The following ARB2A variants were observed in gnomAD, a reference collection of about 807,000 sequenced individuals.
ARB2A encodes ARB2 cotranscriptional regulator A.
At chr5:93,779,507 A>T in the ARB2A span, among the ~76,000 whole-genome samples, 7 of 152,130 alleles carry the variant, frequency 4.6e-5, no homozygotes, top group South Asian at 6.2e-4. Context: ...TAAATTCAAA[A>T]CATGCTGGAC....
the ARB2A span, among the ~76,000 whole-genome samples, chr5:93,934,994 T>C: frequency 1.3e-5 from 2 of 152,148 alleles, no homozygotes; most frequent in South Asian, 4.2e-4. Context: ...CCAAACAACG[T>C]ATGTTCTCAC....
chr5:93,865,625 T>G, the ARB2A span: 9 of 985,416 alleles, frequency 9.1e-6, no homozygotes, highest in Non-Finnish European at 1.1e-5. Flanking sequence ...CATCTTTATT[T>G]AATCTGGCCA....
At chr5:93,937,778 TGTA>T in the ARB2A span, among the ~76,000 whole-genome samples, 1 of 152,146 alleles carries the variant, frequency 6.6e-6, no homozygotes, top group Non-Finnish European at 1.5e-5. Flanking sequence ...TATAAAATGG[TGTA>T]GTATTTGCTC....
the ARB2A span, among the ~76,000 whole-genome samples, chr5:93,854,617 A>G: frequency 6.6e-6 from 1 of 152,104 alleles, no homozygotes; most frequent in Non-Finnish European, 1.5e-5. Flanking sequence ...CCCTCTACAC[A>G]CTGCTTTGAA....
the ARB2A span, among the ~76,000 whole-genome samples, chr5:94,041,568 A>T: frequency 6.6e-6 from 1 of 152,206 alleles, no homozygotes; most frequent in Admixed American, 6.5e-5. Flanking sequence ...GAAAAGTAAA[A>T]AGTGTAATGC....
chr5:93,931,958 T>C, the ARB2A span, among the ~76,000 whole-genome samples: 8 of 152,226 alleles, frequency 5.3e-5, no homozygotes, highest in African/African-American at 1.9e-4. Flanking sequence ...TATAATTATA[T>C]GTTTGTTCAT....
the ARB2A span, among the ~76,000 whole-genome samples, chr5:93,752,117 T>C: frequency 6.6e-6 from 1 of 151,768 alleles, no homozygotes; most frequent in African/African-American, 2.4e-5. Context: ...TAAACAGACA[T>C]AGAGAGACCC....
At chr5:93,715,603 C>A in the ARB2A span, among the ~76,000 whole-genome samples, 1 of 151,000 alleles carries the variant, frequency 6.6e-6, no homozygotes, top group African/African-American at 2.4e-5. Context: ...CTAACACAAA[C>A]CAGTGGCACT....
the ARB2A span, among the ~76,000 whole-genome samples, chr5:93,967,251 T>C: frequency 6.6e-6 from 1 of 152,152 alleles, no homozygotes; most frequent in Non-Finnish European, 1.5e-5. Context: ...CTTAAGAGAC[T>C]ACGCAGGCTC....
At chr5:93,803,663 CA>C in the ARB2A span, among the ~76,000 whole-genome samples, 4 of 144,584 alleles carry the variant, frequency 2.8e-5, no homozygotes, top group Admixed American at 1.4e-4. Flanking sequence ...CCCTCATACA[CA>C]AGTTTACCTA....
the ARB2A span, chr5:93,805,207 G>A: frequency 4.1e-6 from 4 of 984,878 alleles, no homozygotes; most frequent in South Asian, 4.7e-5. Flanking sequence ...AATGAGAACG[G>A]GGTTGAAATC....
chr5:93,680,391 A>C, the ARB2A span, among the ~76,000 whole-genome samples: 1 of 152,292 alleles, frequency 6.6e-6, no homozygotes, highest in African/African-American at 2.4e-5. Flanking sequence ...ACAGAGTCTC[A>C]GAGAACTTAA....
At chr5:93,881,625 T>A in the ARB2A span, 3 of 1,604,726 alleles carry the variant, frequency 1.9e-6, no homozygotes, top group Non-Finnish European at 2.6e-6. Context: ...TGTACGTGTA[T>A]CTTCGGCTTT....
the ARB2A span, among the ~76,000 whole-genome samples, chr5:93,957,241 C>T: frequency 6.6e-6 from 1 of 152,018 alleles, no homozygotes; most frequent in East Asian, 1.9e-4. Flanking sequence ...TAAAATATTC[C>T]AGAATAGGAA....
the ARB2A span, among the ~76,000 whole-genome samples, chr5:93,891,275 T>G: frequency 1.3e-5 from 2 of 152,126 alleles, no homozygotes; most frequent in African/African-American, 4.8e-5. Flanking sequence ...CATTTTGAAT[T>G]CTCTTACCTG....
At chr5:93,701,763 C>G in the ARB2A span, among the ~76,000 whole-genome samples, 1 of 152,046 alleles carries the variant, frequency 6.6e-6, no homozygotes, top group Non-Finnish European at 1.5e-5. Context: ...ATTTCAATGA[C>G]TGAAACAAAC....
chr5:93,620,720 G>T, the ARB2A span: 3 of 339,242 alleles, frequency 8.8e-6, no homozygotes, highest in East Asian at 4.7e-5. Flanking sequence ...GAGCCAGGCA[G>T]GGCGCTGTCA....
the ARB2A span, among the ~76,000 whole-genome samples, chr5:93,837,378 G>C: frequency 6.6e-6 from 1 of 152,134 alleles, no homozygotes; most frequent in East Asian, 1.9e-4. Context: ...TGAGCATTTA[G>C]ATTGATTCCA....
At chr5:93,869,151 C>T in the ARB2A span, among the ~76,000 whole-genome samples, 1,501 of 152,204 alleles carry the variant, frequency 9.9e-3, 24 homozygotes, top group African/African-American at 0.035. Flanking sequence ...GAGTAATACA[C>T]GAGACTAGCG....
Sources: gnomAD v4.1 joint callset for allele counts (sites outside exome capture counted in the v4.1 genomes callset) on GRCh38, gnomAD v4.1.1 for gene constraint, MANE v1.5 for transcripts, NCBI Gene and HGNC (gene_info 2026-07-23, HGNC 2026-07-21) for gene names.